Variants in SYTL3 observed in about 807,000 individuals in gnomAD.
SYTL3 encodes synaptotagmin like 3.
Under a neutral mutation model 82.1 loss-of-function variants are expected in SYTL3, and 88 were observed. That is an observed-to-expected ratio of 1.07 (90% CI 0.90 to 1.28). The LOEUF is 1.28. SYTL3 is among the 50% of genes most tolerant of loss of function. SYTL3 has a pLI of 0.00. For synonymous variants in SYTL3, 311 were observed against 289.4 expected, an observed-to-expected ratio of 1.07 and a Z score of -0.76; for missense variants, 831 against 757.6, an observed-to-expected ratio of 1.10 and a Z score of -1.14.
chr6:158,646,883 A>T (rs1787510799), upstream of SYTL3, among the ~76,000 whole-genome samples: 1 of 152,076 alleles, frequency 6.6e-6, no homozygotes, highest in Non-Finnish European at 1.5e-5. Context: ...TTCTCTGCCT[A>T]CCTGGTTCCA....
intron 14 of SYTL3, among the ~76,000 whole-genome samples, chr6:158,758,106 C>T (rs952356898): frequency 6.6e-6 from 1 of 152,042 alleles, no homozygotes; most frequent in Non-Finnish European, 1.5e-5. Context: ...TGTGAGACCA[C>T]GAGGGATGAA....
chr6:158,678,236 C>G (rs1164581973), intron 5 of SYTL3, among the ~76,000 whole-genome samples: 2 of 152,192 alleles, frequency 1.3e-5, no homozygotes, highest in East Asian at 1.9e-4. Flanking sequence ...CTCCTTGCCA[C>G]TGGGGTACTG....
At chr6:158,658,530 G>T (rs562780903) in intron 2 of SYTL3, among the ~76,000 whole-genome samples, 4 of 152,168 alleles carry the variant, frequency 2.6e-5, no homozygotes, top group Non-Finnish European at 5.9e-5. Context: ...TAGCTTTCTG[G>T]TCAATCTTGA....
intron 11 of SYTL3, among the ~76,000 whole-genome samples, chr6:158,731,833 TC>T (rs1484022628): frequency 6.6e-6 from 1 of 152,218 alleles, no homozygotes; most frequent in East Asian, 1.9e-4. Flanking sequence ...GACCTCATGA[TC>T]CACCCACCTT....
rs757116822 is a variant in SYTL3 at position 158,682,958 on chromosome 6, T to C, written c.363T>C (p.Tyr121=). The C allele has an allele frequency of 9.3e-6, 15 of 1,613,620 alleles. No homozygotes were observed. The highest frequency in any genetic ancestry group is 2.2e-5 in the East Asian group (1 of 44,874). Residue 121 remains tyrosine (Y), a synonymous_variant, in exon 6 of 18, where the codon TAT becomes TAC. Coordinates refer to ENST00000611299, the MANE Select transcript of SYTL3 (RefSeq NM_001242394.2). The part of the protein sequence containing the change: ...NVKIKTGEWF[Y]EERAKKFPTG... ...AAATAAAAACTGGAGAATGGTTCTA[T>C]GAGGAACGAGCCAAGAAATTTCCAA...
chr6:158,735,324 A>G (rs1277872317), intron 11 of SYTL3, among the ~76,000 whole-genome samples: 2 of 152,186 alleles, frequency 1.3e-5, no homozygotes, highest in Non-Finnish European at 1.5e-5. Flanking sequence ...CAGATTTTAC[A>G]CATACACACA....
chr6:158,754,098 A>T (rs1788766634), intron 13 of SYTL3, among the ~76,000 whole-genome samples: 1 of 152,194 alleles, frequency 6.6e-6, no homozygotes, highest in African/African-American at 2.4e-5. Flanking sequence ...GAGGTGAGCC[A>T]TCAGAGTACG....
chr6:158,747,934 T>TG (rs1252952892), intron 12 of SYTL3, among the ~76,000 whole-genome samples: 13 of 152,294 alleles, frequency 8.5e-5, no homozygotes, highest in African/African-American at 3.1e-4. Flanking sequence ...TTTTCTAACT[T>TG]GTTTATTATG....
At chr6:158,712,652 G>A (rs1782884033) in intron 8 of SYTL3, among the ~76,000 whole-genome samples, 1 of 152,070 alleles carries the variant, frequency 6.6e-6, no homozygotes, top group Non-Finnish European at 1.5e-5. Flanking sequence ...CATCGTTTAG[G>A]ATTATGGCAT....
chr6:158,732,878 A>G (rs1025257409), intron 11 of SYTL3, among the ~76,000 whole-genome samples: 1 of 152,058 alleles, frequency 6.6e-6, no homozygotes, highest in Non-Finnish European at 1.5e-5. Context: ...CTGGCATTTC[A>G]TCAACCAAAA....
intron 5 of SYTL3, among the ~76,000 whole-genome samples, chr6:158,676,661 C>G (rs1229799149): frequency 6.6e-6 from 1 of 152,070 alleles, no homozygotes; most frequent in Non-Finnish European, 1.5e-5. Context: ...ACTCATCTGA[C>G]AAAGGGCTAA....
At chr6:158,747,361 T>A (rs1308893586) in intron 12 of SYTL3, among the ~76,000 whole-genome samples, 3 of 151,420 alleles carry the variant, frequency 2.0e-5, no homozygotes, top group Non-Finnish European at 4.4e-5. Context: ...TTAATTAAAA[T>A]TAATTTTTTT....
chr6:158,678,386 C>A (rs1354125592), intron 5 of SYTL3, among the ~76,000 whole-genome samples: 1 of 152,152 alleles, frequency 6.6e-6, no homozygotes, highest in East Asian at 1.9e-4. Context: ...GCTGACTTTT[C>A]TTGGAACATA....
intron 5 of SYTL3, among the ~76,000 whole-genome samples, chr6:158,669,356 T>G (rs1777109169): frequency 6.6e-6 from 1 of 152,220 alleles, no homozygotes; most frequent in African/African-American, 2.4e-5. Flanking sequence ...TTGTCATGCT[T>G]TGTAATTGCT....
chr6:158,688,008 T>C (rs1309788000), intron 6 of SYTL3, among the ~76,000 whole-genome samples: 7 of 152,232 alleles, frequency 4.6e-5, no homozygotes, highest in African/African-American at 9.6e-5. Context: ...GATAGACTTA[T>C]CCAATTTCAA....
intron 11 of SYTL3, among the ~76,000 whole-genome samples, chr6:158,743,905 T>C (rs1787256753): frequency 6.6e-6 from 1 of 152,070 alleles, no homozygotes; most frequent in Non-Finnish European, 1.5e-5. Context: ...TGATGACTTG[T>C]TGGTATTGTT....
intron 5 of SYTL3, 135 bp downstream of exon 5, chr6:158,665,748 C>A (rs1789976592): frequency 1.3e-5 from 8 of 595,438 alleles, no homozygotes; most frequent in Non-Finnish European, 5.8e-6. Flanking sequence ...TGATAGGGAG[C>A]TACCTTTCTA....
At chr6:158,753,199 A>G (rs1465991791) in intron 13 of SYTL3, among the ~76,000 whole-genome samples, 2 of 148,258 alleles carry the variant, frequency 1.3e-5, no homozygotes, top group African/African-American at 5.0e-5. Context: ...CTCCTGCCTC[A>G]GCCTCCTGAG....
chr6:158,687,503 A>G (rs1390885166), intron 6 of SYTL3, among the ~76,000 whole-genome samples: 3 of 152,224 alleles, frequency 2.0e-5, no homozygotes, highest in Non-Finnish European at 4.4e-5. Flanking sequence ...GGGTCTGAAT[A>G]TCAGGAAGCA....
Sources: allele counts gnomAD v4.1 joint callset (sites outside exome capture counted in the v4.1 genomes callset), GRCh38; gene constraint gnomAD v4.1.1; transcripts MANE v1.5; gene names NCBI Gene and HGNC (gene_info 2026-07-23, HGNC 2026-07-21).